Variants in GPHN observed in about 807,000 individuals in gnomAD.
GPHN encodes gephyrin.
In GPHN, 17 loss-of-function variants were observed where a neutral mutation model predicts 95.5. The ratio of observed to expected loss-of-function variants is 0.18; its 90% CI spans 0.12 to 0.27. The LOEUF (loss-of-function observed/expected upper bound fraction) is 0.27. Among genes scored for constraint, GPHN ranks in the 10% least tolerant of loss-of-function variants. The pLI is 1.00. For synonymous variants in GPHN, 320 were observed against 322.5 expected (o/e 0.99, Z 0.08); for missense variants, 660 against 978.1 (o/e 0.67, Z 4.34).
At chr14:67,222,037 C>T in the GPHN span, 1 of 493,192 alleles carries the variant, frequency 2.0e-6, no homozygotes, top group Non-Finnish European at 3.5e-6. Flanking sequence ...TACTTTACTA[C>T]TTCAGTTTTC....
intron 1 of GPHN, among the ~76,000 whole-genome samples, chr14:66,583,191 A>T (rs2061269681): frequency 6.6e-6 from 1 of 152,008 alleles, no homozygotes; most frequent in Non-Finnish European, 1.5e-5. Flanking sequence ...TTCTTTTGAG[A>T]AGTGTCTGTT....
At chr14:67,541,183 T>G in the GPHN span, among the ~76,000 whole-genome samples, 13 of 152,256 alleles carry the variant, frequency 8.5e-5, no homozygotes, top group Non-Finnish European at 1.8e-4. Context: ...CATTATATTT[T>G]GTTTCCATTT....
chr14:67,223,930 CA>C, the GPHN span: 1 of 984,958 alleles, frequency 1.0e-6, no homozygotes, highest in Non-Finnish European at 1.2e-6. Flanking sequence ...AATTGGAGTA[CA>C]AATTAAAAAT....
At chr14:67,372,376 G>A in the GPHN span, among the ~76,000 whole-genome samples, 1 of 152,190 alleles carries the variant, frequency 6.6e-6, no homozygotes, top group East Asian at 1.9e-4. Flanking sequence ...CTTGGATTAG[G>A]CAAAGATTTC....
chr14:66,513,698 T>G (rs2058131482), intron 1 of GPHN, among the ~76,000 whole-genome samples: 1 of 151,870 alleles, frequency 6.6e-6, no homozygotes, highest in South Asian at 2.1e-4. Flanking sequence ...GGGACTGTAG[T>G]CAATATGAAT....
chr14:67,585,960 A>G, the GPHN span: 2 of 1,612,662 alleles, frequency 1.2e-6, no homozygotes, highest in Admixed American at 1.7e-5. Flanking sequence ...GCAAGTGCAC[A>G]TCACTTACCC....
the GPHN span, among the ~76,000 whole-genome samples, chr14:67,554,251 T>C: frequency 1.3e-5 from 2 of 152,052 alleles, no homozygotes; most frequent in East Asian, 3.9e-4. Flanking sequence ...CTCATCTACC[T>C]TTTAATTAAG....
chr14:67,677,163 T>C, the GPHN span: 1 of 152,128 alleles, frequency 6.6e-6, no homozygotes, highest in Non-Finnish European at 1.5e-5. Context: ...ACTAATTCCT[T>C]AGACTTCCTT....
chr14:67,353,328 G>GT, the GPHN span, among the ~76,000 whole-genome samples: 2 of 152,240 alleles, frequency 1.3e-5, no homozygotes, highest in Admixed American at 6.5e-5. Context: ...CGTCATTATG[G>GT]TAAGACTGGG....
At chr14:67,070,721 T>TATATATATATATATATATATATATCCAA (rs2076267041) in intron 11 of GPHN, among the ~76,000 whole-genome samples, 1 of 107,046 alleles carries the variant, frequency 9.3e-6, no homozygotes, top group African/African-American at 7.1e-5. Context: ...AAAAAATATA[T>TATATATATATATATATATATATATCCAA]ATATATATCC....
the GPHN span, among the ~76,000 whole-genome samples, chr14:67,394,572 T>C: frequency 6.6e-6 from 1 of 151,218 alleles, no homozygotes; most frequent in Non-Finnish European, 1.5e-5. Context: ...CCATAGGAGG[T>C]GTACAGTCAA....
At chr14:67,091,060 T>C (rs1425825062) in intron 12 of GPHN, among the ~76,000 whole-genome samples, 1 of 151,952 alleles carries the variant, frequency 6.6e-6, no homozygotes, top group African/African-American at 2.4e-5. Flanking sequence ...TCTTAAACTA[T>C]CTCTGAAAAA....
chr14:67,251,715 T>C, the GPHN span, among the ~76,000 whole-genome samples: 3 of 152,194 alleles, frequency 2.0e-5, no homozygotes, highest in Non-Finnish European at 4.4e-5. Context: ...GACCTAGAGC[T>C]TCTAAATCCC....
At chr14:66,631,142 G>C (rs2063786622) in intron 1 of GPHN, among the ~76,000 whole-genome samples, 1 of 151,628 alleles carries the variant, frequency 6.6e-6, no homozygotes, top group Non-Finnish European at 1.5e-5. Flanking sequence ...TCCACCTCTT[G>C]GGTTCAAGCG....
chr14:67,213,782 T>C, the GPHN span, among the ~76,000 whole-genome samples: 16 of 152,280 alleles, frequency 1.1e-4, no homozygotes, highest in East Asian at 1.9e-3. Context: ...GTCCCACCAA[T>C]AGTGTAAAAG....
At chr14:67,555,700 C>CTTGA in the GPHN span, 1 of 1,400,868 alleles carries the variant, frequency 7.1e-7, no homozygotes, top group South Asian at 1.3e-5. Context: ...TCTCGAGCCA[C>CTTGA]TTGAGATGGG....
chr14:67,352,833 A>T, the GPHN span: 1 of 762,722 alleles, frequency 1.3e-6, no homozygotes, highest in Non-Finnish European at 2.0e-6. Flanking sequence ...GAAAAAAATT[A>T]ATTAAAATAA....
At chr14:67,284,598 A>G in the GPHN span, among the ~76,000 whole-genome samples, 2 of 142,364 alleles carry the variant, frequency 1.4e-5, no homozygotes, top group African/African-American at 5.2e-5. Flanking sequence ...AGGTTGTGCA[A>G]TCATCACTAC....
intron 1 of GPHN, among the ~76,000 whole-genome samples, chr14:66,617,632 A>G (rs781048438): frequency 1.3e-5 from 2 of 152,114 alleles, no homozygotes; most frequent in Non-Finnish European, 2.9e-5. Context: ...GCCTCCGAAC[A>G]TGGCTGTTTC....
Sources: gnomAD v4.1 joint callset for allele counts (sites outside exome capture counted in the v4.1 genomes callset) on GRCh38, gnomAD v4.1.1 for gene constraint, MANE v1.5 for transcripts, NCBI Gene and HGNC (gene_info 2026-07-23, HGNC 2026-07-21) for gene names.